The following SYT3 variants were observed in gnomAD, a reference collection of about 807,000 sequenced individuals.
SYT3 encodes the protein synaptotagmin 3, also known as synaptotagmin-3.
In SYT3, 25 loss-of-function variants were observed where a neutral mutation model predicts 50.6. That is an observed-to-expected ratio of 0.49 (90% CI 0.36 to 0.69). SYT3 has a LOEUF of 0.69. Ranked by LOEUF, SYT3 falls within the 30% of genes least tolerant of loss-of-function variation. The pLI is 0.00. For missense variants in SYT3, 589 were observed against 793.6 expected (o/e 0.74, Z 3.10); for synonymous variants, 323 against 353.9 (o/e 0.91, Z 0.98).
Position 50,637,505 on chromosome 19 carries a change from G to C in SYT3, c.-15-79C>G. On this transcript the variant is annotated intron_variant, in intron 2 of 10. Transcript: ENST00000600079. The surrounding 1 kb of genome is among the most constrained non-coding windows in gnomAD (Gnocchi z 4.9). The stretch of plus-strand genomic sequence containing the variant: ...CAGGGTGGGCAGGTGTGGAGATAAG[G>C]GTGGAAAGAGACACCGAGAAAAGGA... The C allele has an allele frequency of 7.7e-7, 1 of 1,297,208 alleles. No individual in the cohort carries two copies. The highest frequency in any genetic ancestry group is 1.1e-6 in the Non-Finnish European group (1 of 948,170). 80.4% of individuals were successfully genotyped at this position (1,297,208 alleles called of 1,614,324 possible). A position where few individuals can be genotyped will look rare whatever the true frequency, so the allele number is the denominator to read the frequency against.
chr19:50,642,809 G>A (rs1984701841), upstream of SYT3, among the ~76,000 whole-genome samples: 1 of 152,146 alleles, frequency 6.6e-6, no homozygotes, highest in Non-Finnish European at 1.5e-5. Context: ...ACTCCAGCCT[G>A]GGCAACAAGA....
At chr19:50,628,017 C>G (rs531258653) in intron 6 of SYT3, among the ~76,000 whole-genome samples, 2 of 151,774 alleles carry the variant, frequency 1.3e-5, no homozygotes, top group South Asian at 4.2e-4. Flanking sequence ...ATGAAGAAGC[C>G]TACCCAAAGA....
At chr19:50,623,630 AAAAAAAAAAAAAAAAAAAAAAAT>A (rs1260926699) in intron 9 of SYT3, among the ~76,000 whole-genome samples, 19 of 28,258 alleles carry the variant, frequency 6.7e-4, no homozygotes, top group African/African-American at 2.0e-3. Context: ...AAAAAAAAAA[AAAAAAAAAAAAAAAAAAAAAAAT>A]TAGCAGGGTG....
chr19:50,630,159 C>A lies in SYT3; in HGVS notation c.687G>T (p.Leu229=). The A allele has an allele frequency of 6.4e-7, 1 of 1,558,948 alleles. No homozygotes were observed. Among genetic ancestry groups the A allele is most frequent in the Admixed American group, 1.9e-5 (1 of 53,202 alleles). Residue 229 remains leucine (L), a synonymous_variant, in exon 5 of 11, where the codon CTG becomes CTT. Coordinates refer to ENST00000600079, the MANE Select transcript of SYT3 (RefSeq NM_001160329.2). ...SLAPTTRYPA[L]PRPLTQQTLT... ...GAGTCTGCTGGGTGAGGGGTCGGGG[C>A]AGGGCTGGGTACCTGTAGGGGGTTG...
At chr19:50,648,520 A>C in the SYT3 span, among the ~76,000 whole-genome samples, 3 of 152,034 alleles carry the variant, frequency 2.0e-5, no homozygotes, top group African/African-American at 7.3e-5. Flanking sequence ...GCAGACCCAG[A>C]GAAAGGGATG....
chr19:50,657,924 G>T, the SYT3 span: 1 of 1,469,816 alleles, frequency 6.8e-7, no homozygotes, highest in African/African-American at 1.4e-5. Flanking sequence ...GTCTAGGGTG[G>T]TGACTTCTGA....
the SYT3 span, among the ~76,000 whole-genome samples, chr19:50,650,541 G>C: frequency 6.6e-6 from 1 of 152,088 alleles, no homozygotes; most frequent in Non-Finnish European, 1.5e-5. Context: ...TGTGGTGCCG[G>C]GTGCCTGTAA....
rs1984332267 is a variant in SYT3 at position 50,632,230 on chromosome 19, A to T, written c.674+56T>A. 6.7e-7 allele frequency: 1 copy of T among 1,492,672 alleles called. No individual in the cohort carries two copies. Among genetic ancestry groups the T allele is most frequent in the Admixed American group, 2.2e-5 (1 of 45,440 alleles). 92.5% of individuals were successfully genotyped at this position (1,492,672 alleles called of 1,614,324 possible). ...CATAAGAGCTATAGATAGGAAAGAG[A>T]CACAGAGGAGGAGCAGAAGTTCAGA... On this transcript the variant is annotated intron_variant, in intron 4 of 10. Coordinates refer to ENST00000600079, the MANE Select transcript of SYT3 (RefSeq NM_001160329.2). This position sits in a 1 kb window ranked among gnomAD's most constrained non-coding sequence, Gnocchi z 4.7.
chr19:50,648,532 T>C, the SYT3 span, among the ~76,000 whole-genome samples: 1 of 151,216 alleles, frequency 6.6e-6, no homozygotes, highest in African/African-American at 2.4e-5. Flanking sequence ...AAAGGGATGC[T>C]GAACAGGCAC....
intron 3 of SYT3, among the ~76,000 whole-genome samples, chr19:50,636,412 G>C (rs1258972766): frequency 6.6e-6 from 1 of 152,176 alleles, no homozygotes. Context: ...TGCTACCATT[G>C]AGCCTCTGGG....
chr19:50,644,536 G>A (rs773937626), upstream of SYT3, among the ~76,000 whole-genome samples: 7 of 151,316 alleles, frequency 4.6e-5, no homozygotes, highest in Admixed American at 2.6e-4. Flanking sequence ...GGATGGATGA[G>A]TGGATGAGTG....
intron 3 of SYT3, among the ~76,000 whole-genome samples, chr19:50,634,064 C>A (rs1395139198): frequency 6.6e-6 from 1 of 152,268 alleles, no homozygotes; most frequent in Non-Finnish European, 1.5e-5. Context: ...ATTCTGAATG[C>A]CACATATGTG....
At chr19:50,656,270 A>G in the SYT3 span, 4 of 1,536,130 alleles carry the variant, frequency 2.6e-6, no homozygotes, top group South Asian at 2.4e-5. Flanking sequence ...GAGGCACTGG[A>G]CCGAGAACTC....
the SYT3 span, chr19:50,649,888 CA>C: frequency 2.2e-6 from 1 of 460,978 alleles, no homozygotes; most frequent in Non-Finnish European, 4.3e-6. Flanking sequence ...CAAATGGCCC[CA>C]CCGCCAACCC....
chr19:50,654,913 G>C, the SYT3 span, among the ~76,000 whole-genome samples: 155 of 152,300 alleles, frequency 1.0e-3, no homozygotes, highest in South Asian at 3.3e-3. Flanking sequence ...GGACATCTTG[G>C]CTTGGTGAGA....
intron 6 of SYT3, 62 bp from the exon 7 acceptor site, chr19:50,626,079 T>C (rs1448538094): frequency 6.4e-7 from 1 of 1,572,506 alleles, no homozygotes; most frequent in African/African-American, 1.4e-5. Context: ...CTCCCTGATT[T>C]TCTCTCCGGT....
the SYT3 span, among the ~76,000 whole-genome samples, chr19:50,646,173 G>A: frequency 0.18 from 27,102 of 152,088 alleles, 2,579 homozygotes; most frequent in African/African-American, 0.21. Flanking sequence ...GCCTGGCTCC[G>A]ATTTGGGGGT....
chr19:50,646,971 C>A, the SYT3 span, among the ~76,000 whole-genome samples: 1 of 152,090 alleles, frequency 6.6e-6, no homozygotes, highest in Non-Finnish European at 1.5e-5. Context: ...GCTGGGACTA[C>A]AGGTGCCCGC....
chr19:50,652,392 A>C, the SYT3 span, among the ~76,000 whole-genome samples: 1 of 152,176 alleles, frequency 6.6e-6, no homozygotes. Flanking sequence ...GACAGAGTGT[A>C]ATTAGGGAAT....
Sources: gnomAD v4.1 joint callset for allele counts (sites outside exome capture counted in the v4.1 genomes callset) on GRCh38, gnomAD v4.1.1 for gene constraint, Gnocchi (gnomAD v3.1) non-coding constraint, MANE v1.5 for transcripts, NCBI Gene and HGNC (gene_info 2026-07-23, HGNC 2026-07-21) for gene names.